ELP4: variants seen among roughly 807,000 people sequenced by gnomAD.
ELP4 encodes the protein elongator acetyltransferase complex subunit 4, also known as elongator complex protein 4.
A neutral mutation model predicts 48.9 loss-of-function variants in ELP4; 51 were observed. The observed-to-expected ratio is 1.04, with a 90% CI of 0.83 to 1.32. The LOEUF is 1.32. Among genes scored for constraint, ELP4 ranks in the 40% most tolerant of loss-of-function variants. ELP4 has a pLI of 0.00. For missense variants in ELP4, 519 were observed against 514.6 expected (o/e 1.01, Z -0.08); for synonymous variants, 210 against 189.2 (o/e 1.11, Z -0.90).
chr11:31,561,936 T>C (rs1268987405), intron 3 of ELP4, among the ~76,000 whole-genome samples: 1 of 152,214 alleles, frequency 6.6e-6, no homozygotes, highest in African/African-American at 2.4e-5. Flanking sequence ...TGGAATCTAT[T>C]ATCAGAATGC....
At chr11:31,517,047 T>G (rs1289708913) in intron 1 of ELP4, among the ~76,000 whole-genome samples, 1 of 152,232 alleles carries the variant, frequency 6.6e-6, no homozygotes, top group African/African-American at 2.4e-5. Flanking sequence ...GAAATTGATG[T>G]TTAGCCTCAC....
chr11:31,544,375 C>T (rs1224848706), intron 3 of ELP4, among the ~76,000 whole-genome samples: 1 of 152,210 alleles, frequency 6.6e-6, no homozygotes, highest in Non-Finnish European at 1.5e-5. Flanking sequence ...GAGGGTCCTA[C>T]GCCCATGGAG....
rs1280783233 is a variant in ELP4 at position 31,623,592 on chromosome 11, A to T, written c.654-3518A>T. ...AAATAGTTTATTTTTCTAGAAATCT[A>T]ATTAGAGGAATTTATTTTATTACTT... On this transcript the variant is annotated intron_variant, in intron 5 of 9. Coordinates refer to ENST00000640961, the MANE Select transcript of ELP4 (RefSeq NM_019040.5). 6.0e-5 allele frequency among the ~76,000 whole-genome samples: 9 copies of T among 150,300 alleles called. No individual in the cohort carries two copies. The East Asian group carries it at 1.7e-3, about 29-fold the overall frequency.
In ELP4 at chr11:31,666,809, C is replaced by T. The variant is rs200082176; in HGVS notation, c.1143+16588C>T. ...AGAAAATTAACTTACTTACTATTTACTGCCTTTCATCTTTTTTGTGAAAAT... is the reference window on the plus strand; with the variant it reads ...AGAAAATTAACTTACTTACTATTTATTGCCTTTCATCTTTTTTGTGAAAAT... On this transcript the variant is annotated intron_variant, in intron 9 of 9. Coordinates refer to ENST00000640961, the MANE Select transcript of ELP4 (RefSeq NM_019040.5). Among the ~76,000 whole-genome samples, 4 of 151,630 alleles carry T rather than the reference C, an allele frequency of 2.6e-5. No individual in the cohort carries two copies. The East Asian group carries it at 7.8e-4, about 29-fold the overall frequency.
intron 6 of ELP4, among the ~76,000 whole-genome samples, chr11:31,631,596 A>G (rs1211959637): frequency 6.6e-6 from 1 of 152,148 alleles, no homozygotes; most frequent in African/African-American, 2.4e-5. Context: ...TTCCCAAGAA[A>G]TACAGTCACT....
At chr11:31,612,546 A>G (rs917768671) in intron 5 of ELP4, among the ~76,000 whole-genome samples, 1 of 152,210 alleles carries the variant, frequency 6.6e-6, no homozygotes, top group South Asian at 2.1e-4. Flanking sequence ...AAAAACAGTG[A>G]ACAAAATGTT....
At chr11:31,757,357 C>A (rs1348930418) in intron 9 of ELP4, among the ~76,000 whole-genome samples, 2 of 152,074 alleles carry the variant, frequency 1.3e-5, no homozygotes, top group East Asian at 3.9e-4. Context: ...TCATTGAATT[C>A]TTTCCAAATC....
At chr11:31,661,046 G>A (rs748135461) in intron 9 of ELP4, among the ~76,000 whole-genome samples, 2 of 151,726 alleles carry the variant, frequency 1.3e-5, no homozygotes, top group Admixed American at 6.6e-5. Context: ...TTTTAATCTC[G>A]AAGAAATTTT....
chr11:31,604,470 A>C (rs1957835927), intron 5 of ELP4, among the ~76,000 whole-genome samples: 1 of 151,876 alleles, frequency 6.6e-6, no homozygotes, highest in African/African-American at 2.4e-5. Flanking sequence ...AAAACAATGC[A>C]ACATGTTTAT....
intron 3 of ELP4, among the ~76,000 whole-genome samples, chr11:31,540,356 A>T (rs1318427608): frequency 6.6e-6 from 1 of 152,250 alleles, no homozygotes; most frequent in African/African-American, 2.4e-5. Context: ...CAAAAGGGAC[A>T]TCTATATAAT....
intron 9 of ELP4, among the ~76,000 whole-genome samples, chr11:31,682,813 A>G (rs1946081331): frequency 6.6e-6 from 1 of 152,224 alleles, no homozygotes. Context: ...AGGGAAAGCT[A>G]CAGAAGGAAG....
At chr11:31,750,587 ACTTCCATAGATGTTTT>A (rs1210133305) in intron 9 of ELP4, among the ~76,000 whole-genome samples, 1 of 152,058 alleles carries the variant, frequency 6.6e-6, no homozygotes, top group Non-Finnish European at 1.5e-5. Context: ...TGCTCAGTTT[ACTTCCATAGATGTTTT>A]CTTCCATAAA....
chr11:31,537,443 G>T (rs1956519345), intron 2 of ELP4, among the ~76,000 whole-genome samples: 2 of 152,154 alleles, frequency 1.3e-5, no homozygotes, highest in African/African-American at 2.4e-5. Flanking sequence ...TTTTCCAACT[G>T]TGTTCTTTGT....
At chr11:31,644,952 T>C (rs979975857) in intron 7 of ELP4, among the ~76,000 whole-genome samples, 2 of 151,970 alleles carry the variant, frequency 1.3e-5, no homozygotes, top group African/African-American at 4.8e-5. Flanking sequence ...TGCTTTTTAT[T>C]CTATAAATGT....
intron 3 of ELP4, among the ~76,000 whole-genome samples, chr11:31,564,878 T>C (rs926741226): frequency 6.6e-6 from 1 of 152,214 alleles, no homozygotes; most frequent in Non-Finnish European, 1.5e-5. Context: ...TTATAATCCT[T>C]TGGGTATATA....
rs183461794 is a variant in ELP4 at position 31,743,803 on chromosome 11, C to T, written c.1144-39590C>T. Among the ~76,000 whole-genome samples, 80 of 151,934 alleles carry T rather than the reference C, an allele frequency of 5.3e-4. No homozygotes were observed. The East Asian group carries it at 6.6e-3, about 13-fold the overall frequency. On this transcript the variant is annotated intron_variant, in intron 9 of 9. Transcript: ENST00000640961. ...GCCCACAAAAGAAAGCAGGAAAGAT[C>T]TAAAATTGACACCCTAACATCACAA...
At chr11:31,550,139 A>C (rs1047799657) in intron 3 of ELP4, among the ~76,000 whole-genome samples, 1 of 152,220 alleles carries the variant, frequency 6.6e-6, no homozygotes, top group Non-Finnish European at 1.5e-5. Flanking sequence ...AATAATAAAA[A>C]AAAAATAAAA....
intron 9 of ELP4, among the ~76,000 whole-genome samples, chr11:31,779,507 A>G (rs565811377): frequency 6.6e-6 from 1 of 152,318 alleles, no homozygotes; most frequent in South Asian, 2.1e-4. Flanking sequence ...GCTAAGCCCA[A>G]CAAAGAGACG....
chr11:31,550,815 A>T (rs1464168302), intron 3 of ELP4, among the ~76,000 whole-genome samples: 1 of 152,178 alleles, frequency 6.6e-6, no homozygotes, highest in African/African-American at 2.4e-5. Context: ...TAATAAGCAG[A>T]TGTTGTTCTT....
Sources: allele counts gnomAD v4.1 joint callset (sites outside exome capture counted in the v4.1 genomes callset), GRCh38; gene constraint gnomAD v4.1.1; transcripts MANE v1.5; gene names NCBI Gene and HGNC (gene_info 2026-07-23, HGNC 2026-07-21).